Variants in PBX1 observed in about 807,000 individuals in gnomAD.
PBX1 encodes the protein PBX homeobox 1, also known as pre-B-cell leukemia transcription factor 1.
In PBX1, 6 loss-of-function variants were observed where a neutral mutation model predicts 53.4. The ratio of observed to expected loss-of-function variants is 0.11; its 90% CI spans 0.06 to 0.22. The LOEUF (loss-of-function observed/expected upper bound fraction) is 0.22, where lower values mean the gene tolerates loss of function less well. PBX1 is among the 10% of genes least tolerant of loss of function. PBX1 has a pLI of 1.00. For synonymous variants in PBX1, 204 were observed against 212.3 expected (o/e 0.96, Z 0.34); for missense variants, 251 against 551.4 (o/e 0.46, Z 5.46).
chr1:164,842,858 G>A (rs186664230), intron 8 of PBX1, among the ~76,000 whole-genome samples: 13 of 152,238 alleles, frequency 8.5e-5, no homozygotes, highest in Admixed American at 4.6e-4. Context: ...AGAGAGGGAA[G>A]CTGAGGTGCA....
intron 2 of PBX1, among the ~76,000 whole-genome samples, chr1:164,870,266 C>CTTCTTTCTCTCT (rs1672329525): frequency 2.2e-5 from 1 of 45,168 alleles, no homozygotes; most frequent in Non-Finnish European, 4.8e-5. Flanking sequence ...TCCTTCCTTC[C>CTTCTTTCTCTCT]TTCTTTCTTT....
In PBX1 at chr1:164,718,199, A is replaced by G. The variant is rs116534672; in HGVS notation, c.266-74295A>G. Among the ~76,000 whole-genome samples, 1,267 of 152,306 alleles carry G rather than the reference A, an allele frequency of 8.3e-3. 20 individuals carry two copies. The highest frequency in any genetic ancestry group is 0.029 in the African/African-American group (1,208 of 41,542). On this transcript the variant is annotated intron_variant, in intron 2 of 8. Coordinates refer to ENST00000420696, the MANE Select transcript of PBX1 (RefSeq NM_002585.4). The stretch of plus-strand genomic sequence containing the variant: ...TGTTTTACCTTCTTTTTTGACTCTA[A>G]ATTTGCCATATACATTAATGTGTAA...
chr1:164,694,176 T>C (rs1662667844), intron 2 of PBX1, among the ~76,000 whole-genome samples: 1 of 152,188 alleles, frequency 6.6e-6, no homozygotes, highest in Non-Finnish European at 1.5e-5. Context: ...TATTCTACAC[T>C]CTTGCTGTAT....
At chr1:164,704,739 G>C (rs1409318959) in intron 2 of PBX1, among the ~76,000 whole-genome samples, 1 of 152,092 alleles carries the variant, frequency 6.6e-6, no homozygotes, top group Non-Finnish European at 1.5e-5. Flanking sequence ...TAACACAGTT[G>C]GTCAGGGTAT....
At chr1:164,643,202 A>G (rs1306648297) in intron 2 of PBX1, among the ~76,000 whole-genome samples, 2 of 152,188 alleles carry the variant, frequency 1.3e-5, no homozygotes, top group African/African-American at 4.8e-5. Context: ...AAGCCCAAAG[A>G]TAGGAGCACA....
At chr1:164,833,445 C>T (rs1315225427) in intron 8 of PBX1, among the ~76,000 whole-genome samples, 2 of 152,148 alleles carry the variant, frequency 1.3e-5, no homozygotes, top group Non-Finnish European at 2.9e-5. Context: ...CAGTAGAATC[C>T]ATAGCCCAGA....
chr1:164,783,140 G>A (rs1002913459), intron 2 of PBX1, among the ~76,000 whole-genome samples: 3 of 152,142 alleles, frequency 2.0e-5, no homozygotes, highest in East Asian at 1.9e-4. Context: ...GGATGGTGTC[G>A]CCTCTGGCTC....
At chr1:164,793,401 G>T (rs1240070924) in intron 3 of PBX1, among the ~76,000 whole-genome samples, 1 of 152,166 alleles carries the variant, frequency 6.6e-6, no homozygotes, top group Non-Finnish European at 1.5e-5. Context: ...CTCCACAGAT[G>T]GTTTGTGGGA....
At chr1:164,760,973 C>A (rs1342027787) in intron 2 of PBX1, among the ~76,000 whole-genome samples, 1 of 152,182 alleles carries the variant, frequency 6.6e-6, no homozygotes, top group African/African-American at 2.4e-5. Context: ...TCTTTCCTCT[C>A]ACTTGGAATA....
At chr1:164,625,025 C>T (rs976785798) in intron 2 of PBX1, among the ~76,000 whole-genome samples, 20 of 152,138 alleles carry the variant, frequency 1.3e-4, no homozygotes, top group Admixed American at 7.2e-4. Flanking sequence ...GGAAAAATCT[C>T]CTTTAGTCAG....
At chr1:164,779,539 A>G (rs746865692) in intron 2 of PBX1, among the ~76,000 whole-genome samples, 41 of 152,222 alleles carry the variant, frequency 2.7e-4, no homozygotes, top group Admixed American at 6.5e-5. Flanking sequence ...GCTGCTAGAA[A>G]GCAGGCAGCA....
chr1:164,844,641 T>C (rs990356821), intron 8 of PBX1, among the ~76,000 whole-genome samples: 1 of 152,198 alleles, frequency 6.6e-6, no homozygotes, highest in African/African-American at 2.4e-5. Flanking sequence ...AAAAATGACA[T>C]TAAAGGATCT....
intron 2 of PBX1, among the ~76,000 whole-genome samples, chr1:164,579,831 T>C (rs1052759031): frequency 1.3e-5 from 2 of 152,164 alleles, no homozygotes; most frequent in Non-Finnish European, 2.9e-5. Context: ...CCTGTTCATA[T>C]GTAATAGGAG....
intron 2 of PBX1, among the ~76,000 whole-genome samples, chr1:164,788,256 G>C (rs1213186711): frequency 6.6e-6 from 1 of 152,148 alleles, no homozygotes; most frequent in East Asian, 1.9e-4. Flanking sequence ...TGGTGCTGCA[G>C]AGATAAAAAG....
At chr1:164,764,912 AT>A (rs1666988748) in intron 2 of PBX1, among the ~76,000 whole-genome samples, 1 of 152,154 alleles carries the variant, frequency 6.6e-6, no homozygotes, top group South Asian at 2.1e-4. Flanking sequence ...TATTCTTCTA[AT>A]TTAAGACTTT....
intron 2 of PBX1, among the ~76,000 whole-genome samples, chr1:164,718,734 T>A (rs2102098096): frequency 6.6e-6 from 1 of 152,290 alleles, no homozygotes; most frequent in African/African-American, 2.4e-5. Context: ...CAGAATGCTT[T>A]TGACTCTTTG....
chr1:164,670,018 AC>A (rs1431237372), intron 2 of PBX1, among the ~76,000 whole-genome samples: 1 of 152,156 alleles, frequency 6.6e-6, no homozygotes, highest in Non-Finnish European at 1.5e-5. Context: ...AGATTTGACT[AC>A]CAGCTCACAA....
intron 2 of PBX1, among the ~76,000 whole-genome samples, chr1:164,869,796 G>A (rs1045217401): frequency 6.6e-6 from 1 of 152,238 alleles, no homozygotes; most frequent in Non-Finnish European, 1.5e-5. Flanking sequence ...TGGCCTCACT[G>A]AGAAAGTGAC....
chr1:164,633,451 C>G (rs1004645663), intron 2 of PBX1, among the ~76,000 whole-genome samples: 1 of 152,162 alleles, frequency 6.6e-6, no homozygotes, highest in Non-Finnish European at 1.5e-5. Context: ...CACGCAGCCC[C>G]TCTCTCTCTT....
Sources: gnomAD v4.1 joint callset for allele counts (sites outside exome capture counted in the v4.1 genomes callset) on GRCh38, gnomAD v4.1.1 for gene constraint, MANE v1.5 for transcripts, NCBI Gene and HGNC (gene_info 2026-07-23, HGNC 2026-07-21) for gene names.